Variants in SERGEF observed in about 807,000 individuals in gnomAD.
SERGEF encodes secretion-regulating guanine nucleotide exchange factor.
In SERGEF, 51 loss-of-function variants were observed where a neutral mutation model predicts 50.0. That is an observed-to-expected ratio of 1.02 (90% CI 0.81 to 1.29). The LOEUF is 1.29. SERGEF is among the 50% of genes most tolerant of loss of function. SERGEF has a pLI of 0.00. For missense variants in SERGEF, 521 were observed against 557.0 expected (o/e 0.94, Z 0.65); for synonymous variants, 205 against 212.4 (o/e 0.97, Z 0.30).
chr11:17,832,316 C>A (rs1391463434), intron 10 of SERGEF, among the ~76,000 whole-genome samples: 4 of 152,250 alleles, frequency 2.6e-5, no homozygotes, highest in African/African-American at 7.2e-5. Flanking sequence ...CAAGCTCTCT[C>A]ATTTTTTGCC....
At chr11:17,921,603 A>G (rs890851445) in intron 9 of SERGEF, among the ~76,000 whole-genome samples, 1 of 152,214 alleles carries the variant, frequency 6.6e-6, no homozygotes, top group Non-Finnish European at 1.5e-5. Context: ...AACTCCCACA[A>G]AAGGGAATGA....
chr11:17,796,525 A>G (rs1328389231), intron 10 of SERGEF, among the ~76,000 whole-genome samples: 1 of 152,124 alleles, frequency 6.6e-6, no homozygotes, highest in African/African-American at 2.4e-5. Context: ...TCTTTCTTGA[A>G]TGTTTGCTTG....
intron 10 of SERGEF, among the ~76,000 whole-genome samples, chr11:17,829,969 A>T (rs926028596): frequency 2.0e-5 from 3 of 152,246 alleles, no homozygotes; most frequent in African/African-American, 7.2e-5. Context: ...GGAAGAAGGA[A>T]GCCAGTGACA....
At chr11:17,851,355 C>T (rs1850709493) in intron 10 of SERGEF, among the ~76,000 whole-genome samples, 1 of 152,136 alleles carries the variant, frequency 6.6e-6, no homozygotes, top group Non-Finnish European at 1.5e-5. Context: ...CTTGAAACCA[C>T]ATTCCTACTT....
intron 8 of SERGEF, among the ~76,000 whole-genome samples, chr11:17,964,850 A>G (rs1466584224): frequency 6.6e-6 from 1 of 152,244 alleles, no homozygotes; most frequent in African/African-American, 2.4e-5. Flanking sequence ...ATGTGGACAG[A>G]GACTTTATAA....
rs911357898 is a variant in SERGEF, at chr11:17,987,890, A to G, written c.844+707T>C. Among the ~76,000 whole-genome samples the G allele has an allele frequency of 1.9e-4, 29 of 152,220 alleles. 1 individual carries two copies. Among genetic ancestry groups the G allele is most frequent in the Non-Finnish European group, 5.9e-5 (4 of 68,044 alleles). ...CTTTGACATGATAACAGATCTTGGG[A>G]ATTTCAAATTGGCTGGGGAACTCTG... is the stretch of plus-strand genomic sequence containing the variant. On this transcript the variant is annotated intron_variant, in intron 8 of 10. Coordinates refer to ENST00000265965, the MANE Select transcript of SERGEF (RefSeq NM_012139.4).
At chr11:17,874,603 C>T (rs536458767) in intron 10 of SERGEF, among the ~76,000 whole-genome samples, 1 of 152,334 alleles carries the variant, frequency 6.6e-6, no homozygotes, top group South Asian at 2.1e-4. Flanking sequence ...AGTAAAATTT[C>T]CATCTTCTCA....
intron 9 of SERGEF, among the ~76,000 whole-genome samples, chr11:17,880,917 T>C (rs183856931): frequency 3.3e-4 from 51 of 152,368 alleles, no homozygotes; most frequent in Middle Eastern, 3.4e-3. Flanking sequence ...CAACAGTAAC[T>C]GTAGGAATTA....
chr11:17,931,332 C>T (rs1408357551), intron 9 of SERGEF, among the ~76,000 whole-genome samples: 1 of 152,134 alleles, frequency 6.6e-6, no homozygotes, highest in Non-Finnish European at 1.5e-5. Context: ...AATATAATGC[C>T]TACTTCACAA....
At chr11:17,994,412 C>A (rs1190286555) in intron 6 of SERGEF, among the ~76,000 whole-genome samples, 1 of 136,006 alleles carries the variant, frequency 7.4e-6, no homozygotes, top group African/African-American at 2.8e-5. Flanking sequence ...GGAGGCGGAC[C>A]TAGCAGTGAG....
chr11:17,824,507 C>T (rs549121664), intron 10 of SERGEF, among the ~76,000 whole-genome samples: 1 of 152,110 alleles, frequency 6.6e-6, no homozygotes, highest in Non-Finnish European at 1.5e-5. Flanking sequence ...ACCTGTCATG[C>T]GTGAATGTAT....
At chr11:17,988,825 G>A in intron 7 of SERGEF, 70 bp from the exon 8 acceptor site, 2 of 1,475,442 alleles carry the variant, frequency 1.4e-6, no homozygotes, top group Non-Finnish European at 1.9e-6. Flanking sequence ...AATAACAGAA[G>A]TCTAAAAAAT....
intron 9 of SERGEF, among the ~76,000 whole-genome samples, chr11:17,883,309 C>T (rs1851369888): frequency 1.3e-5 from 2 of 152,140 alleles, no homozygotes; most frequent in South Asian, 2.1e-4. Flanking sequence ...TTAAAACAAA[C>T]GAATAATTTA....
At chr11:17,871,577 G>C (rs1303969982) in intron 10 of SERGEF, among the ~76,000 whole-genome samples, 2 of 151,688 alleles carry the variant, frequency 1.3e-5, no homozygotes, top group Non-Finnish European at 2.9e-5. Context: ...AAATCACTAA[G>C]AGAAACATAG....
intron 10 of SERGEF, among the ~76,000 whole-genome samples, chr11:17,822,006 G>A (rs1850095421): frequency 6.6e-6 from 1 of 152,192 alleles, no homozygotes; most frequent in South Asian, 2.1e-4. Context: ...GATCCAAAGA[G>A]TCCATGAGCC....
chr11:17,879,163 T>C (rs1851294323), intron 9 of SERGEF, among the ~76,000 whole-genome samples: 1 of 152,180 alleles, frequency 6.6e-6, no homozygotes, highest in South Asian at 2.1e-4. Flanking sequence ...ACCTAATACA[T>C]AAAAGACAAT....
Position 17,881,770 on chromosome 11 carries a change from G to A in SERGEF, c.1012-3526C>T, listed in dbSNP as rs1026274647. Among the ~76,000 whole-genome samples the A allele has an allele frequency of 1.6e-4, 24 of 152,224 alleles. No individual in the cohort carries two copies. In the Middle Eastern group the frequency reaches 0.014, roughly 86 times the overall value. On this transcript the variant is annotated intron_variant, in intron 9 of 10. Transcript: ENST00000265965. The stretch of plus-strand genomic sequence containing the variant: ...TCTTCCCTGCCTGCCTTACAGACTC[G>A]CTAGAGGACAAATGAGACAATTTAT...
intron 10 of SERGEF, among the ~76,000 whole-genome samples, 193 bp from the exon 11 acceptor site, chr11:17,788,606 G>T (rs1368429442): frequency 4.6e-5 from 7 of 151,896 alleles, no homozygotes; most frequent in Non-Finnish European, 8.8e-5. Context: ...TCCTGCCCCT[G>T]AGGCATGCTT....
intron 10 of SERGEF, among the ~76,000 whole-genome samples, chr11:17,858,096 C>T (rs1850857282): frequency 6.6e-6 from 1 of 152,168 alleles, no homozygotes. Context: ...AGCCTCAGGA[C>T]TGAGAAGCAC....
Sources: allele counts gnomAD v4.1 joint callset (sites outside exome capture counted in the v4.1 genomes callset), GRCh38; gene constraint gnomAD v4.1.1; transcripts MANE v1.5; gene names NCBI Gene and HGNC (gene_info 2026-07-23, HGNC 2026-07-21).